The following CUBN variants were observed in gnomAD, a reference collection of about 807,000 sequenced individuals.
CUBN encodes the protein cubilin, also known as 460 kDa receptor.
A neutral mutation model predicts 405.3 loss-of-function variants in CUBN; 282 were observed. The observed-to-expected ratio is 0.70, with a 90% CI of 0.63 to 0.77. The LOEUF is 0.77. Ranked by LOEUF, CUBN falls within the 30% of genes least tolerant of loss-of-function variation. CUBN has a pLI of 0.00. For missense variants in CUBN, 4,514 were observed against 4,475.2 expected, an observed-to-expected ratio of 1.01 and a Z score of -0.25; for synonymous variants, 1,684 against 1,617.0, an observed-to-expected ratio of 1.04 and a Z score of -0.99.
intron 22 of CUBN, among the ~76,000 whole-genome samples, chr10:17,050,324 C>T (rs1835235411): frequency 6.6e-6 from 1 of 152,200 alleles, no homozygotes; most frequent in South Asian, 2.1e-4. Flanking sequence ...AGAAAGGAAA[C>T]TCATGATGTA....
chr10:16,991,727 A>G (rs946706819), intron 28 of CUBN, among the ~76,000 whole-genome samples: 3 of 151,968 alleles, frequency 2.0e-5, no homozygotes, highest in Admixed American at 2.0e-4. Context: ...CGATCATCAA[A>G]AAGTCAGGAA....
At chr10:17,054,422 G>A (rs1835344317) in intron 22 of CUBN, among the ~76,000 whole-genome samples, 1 of 150,284 alleles carries the variant, frequency 6.7e-6, no homozygotes, top group Admixed American at 6.7e-5. Context: ...TTTATCTAAA[G>A]AAACTAGAGA....
intron 66 of CUBN, 64 bp from the exon 67 acceptor site, chr10:16,825,146 GT>G: frequency 8.8e-7 from 1 of 1,142,828 alleles, no homozygotes; most frequent in Non-Finnish European, 1.3e-6. Context: ...TTCTAGGAAT[GT>G]TAGCCTAGTA....
intron 31 of CUBN, among the ~76,000 whole-genome samples, chr10:16,961,816 A>G (rs1196345651): frequency 7.2e-6 from 1 of 139,408 alleles, no homozygotes; most frequent in Non-Finnish European, 1.5e-5. Flanking sequence ...GGTTCACGCC[A>G]TTCTCCTGCC....
chr10:17,067,666 A>G (rs926775714), intron 21 of CUBN, among the ~76,000 whole-genome samples: 1 of 152,154 alleles, frequency 6.6e-6, no homozygotes, highest in Non-Finnish European at 1.5e-5. Context: ...AAATTATGCT[A>G]ATTGAGGAAA....
intron 17 of CUBN, among the ~76,000 whole-genome samples, chr10:17,076,254 G>A (rs1175095434): frequency 6.6e-6 from 1 of 152,064 alleles, no homozygotes; most frequent in Non-Finnish European, 1.5e-5. Flanking sequence ...AACCTAGAAG[G>A]TGCAATTGAT....
chr10:16,984,126 A>T lies in CUBN; in HGVS notation c.4504T>A (p.Ser1502Thr). ...TCACCTCCAGTGACTGCTTGCCATG[A>T]CGCATTGAAGCCTCTCCCATTTATG... ...LSINGRGFNA[S>T]WQAVTGGCGG... The change falls in exon 30 of 67, where the codon TCA becomes ACA. Residue 1502 changes from serine to threonine, a missense_variant. Coordinates refer to ENST00000377833, the MANE Select transcript of CUBN (RefSeq NM_001081.4). 1 of 1,614,120 alleles carries T rather than the reference A, an allele frequency of 6.2e-7. No individual in the cohort carries two copies. Among genetic ancestry groups the T allele is most frequent in the Non-Finnish European group, 8.5e-7 (1 of 1,180,026 alleles).
chr10:16,852,388 TATCTTTCCCTCCCTCC>T (rs1452224086), intron 59 of CUBN, among the ~76,000 whole-genome samples: 2 of 128,766 alleles, frequency 1.6e-5, no homozygotes, highest in African/African-American at 2.9e-5. Flanking sequence ...TCCCTCACTC[TATCTTTCCCTCCCTCC>T]ATCTTTCCCT....
rs554923252 is a variant in CUBN at position 17,015,063 on chromosome 10, C to T, written c.4168+4770G>A. ...AGATCCTGCACTAGTCTCCAATGAC[C>T]TTTTGATTATTGTACTCCTAGAATT... On this transcript the variant is annotated intron_variant, in intron 28 of 66. Transcript: ENST00000377833. Among the ~76,000 whole-genome samples, 9 of 152,334 alleles carry T rather than the reference C, an allele frequency of 5.9e-5. No homozygotes were observed. The East Asian group carries it at 1.7e-3, about 29-fold the overall frequency.
chr10:16,884,456 T>G (rs891863958), intron 56 of CUBN, among the ~76,000 whole-genome samples: 25 of 152,184 alleles, frequency 1.6e-4, no homozygotes, highest in African/African-American at 6.0e-4. Context: ...CACAAAATTT[T>G]GGACTGTTTA....
intron 40 of CUBN, 32 bp downstream of exon 40, chr10:16,933,055 T>C (rs1394494632): frequency 1.2e-6 from 2 of 1,604,466 alleles, no homozygotes; most frequent in Non-Finnish European, 1.7e-6. Flanking sequence ...TGTGTCAGGG[T>C]TGAAACTCAG....
At chr10:16,831,674 G>A (rs1838999572) in intron 64 of CUBN, among the ~76,000 whole-genome samples, 1 of 152,170 alleles carries the variant, frequency 6.6e-6, no homozygotes, top group Admixed American at 6.5e-5. Context: ...TAAAACACCA[G>A]GCAGCTTTTT....
intron 13 of CUBN, among the ~76,000 whole-genome samples, chr10:17,102,815 G>A (rs1261244241): frequency 6.6e-6 from 1 of 151,110 alleles, no homozygotes; most frequent in African/African-American, 2.4e-5. Context: ...ACAGGGTTTC[G>A]CCATATTGAC....
intron 27 of CUBN, among the ~76,000 whole-genome samples, chr10:17,035,172 A>G (rs1834868618): frequency 6.6e-6 from 1 of 152,168 alleles, no homozygotes; most frequent in African/African-American, 2.4e-5. Flanking sequence ...TTCTCACTAC[A>G]AAATCAGGAA....
In CUBN at chr10:16,948,550, T is replaced by C. The variant is rs1337093562; in HGVS notation, c.5137A>G (p.Thr1713Ala). ...CTAGAATCAGAGACGAATCTCAGCG[T>C]CAGGGCGCTGCTGAAGGATGTGATA... is the stretch of plus-strand genomic sequence containing the variant. ...HPITSFSSAL[T>A]LRFVSDSSIS... The change falls in exon 35 of 67, where the codon ACG becomes GCG. Residue 1713 changes from threonine to alanine, a missense_variant. Physicochemically the swap from Thr to Ala is moderately conservative, Grantham distance 58. Transcript: ENST00000377833. The C allele has an allele frequency of 1.9e-6, 3 of 1,613,900 alleles. No homozygotes were observed. The highest frequency in any genetic ancestry group is 1.7e-5 in the Admixed American group (1 of 59,986).
chr10:16,892,833 G>A (rs1239773419), intron 54 of CUBN, among the ~76,000 whole-genome samples: 6 of 152,132 alleles, frequency 3.9e-5, no homozygotes, highest in African/African-American at 1.2e-4. Flanking sequence ...AACAGGCAAA[G>A]TAAGAAGGGC....
intron 15 of CUBN, among the ~76,000 whole-genome samples, chr10:17,086,384 A>T (rs1037615272): frequency 6.6e-6 from 1 of 152,218 alleles, no homozygotes; most frequent in African/African-American, 2.4e-5. Context: ...TCTAGAAGAA[A>T]ATGAATATAA....
chr10:17,042,869 C>T lies in CUBN; in HGVS notation c.3829+958G>A, dbSNP rs558677779. Among the ~76,000 whole-genome samples, 5 of 152,086 alleles carry T rather than the reference C, an allele frequency of 3.3e-5. No homozygotes were observed. The South Asian group carries it at 8.3e-4, about 25-fold the overall frequency. On this transcript the variant is annotated intron_variant, in intron 26 of 66. Transcript: ENST00000377833. Reference sequence around the variant, plus strand: ...TTAATAATTTTGTGACTTTTAATTCCACTTTCAGATAATTACATAAAATTA... The same window carrying T: ...TTAATAATTTTGTGACTTTTAATTCTACTTTCAGATAATTACATAAAATTA...
At position 16,982,525 on chromosome 10, in the gene CUBN, A is replaced by G. The variant is rs1334771247; in HGVS notation, c.4654T>C (p.Phe1552Leu). The stretch of plus-strand genomic sequence containing the variant: ...TGTGGTTCAAGATCAAAGTCAGTGA[A>G]GTTCAAGAGAACACGATGATTTCTG... ...VDRNHRVLLN[F>L]TDFDLEPQDS... Residue 1552 changes from phenylalanine (F) to leucine (L), a missense_variant, in exon 31 of 67, where the codon TTC (phenylalanine) becomes CTC (leucine). Phe to Leu is a conservative substitution (Grantham distance 22). Transcript: ENST00000377833. 3 of 1,613,756 alleles carry G rather than the reference A, an allele frequency of 1.9e-6. No homozygotes were observed. Among genetic ancestry groups the G allele is most frequent in the African/African-American group, 1.3e-5 (1 of 74,922 alleles).
Sources: gnomAD v4.1 joint callset for allele counts (sites outside exome capture counted in the v4.1 genomes callset) on GRCh38, gnomAD v4.1.1 for gene constraint, MANE v1.5 for transcripts, NCBI Gene and HGNC (gene_info 2026-07-23, HGNC 2026-07-21) for gene names.